The following FAT3 variants were observed in gnomAD, a reference collection of about 807,000 sequenced individuals.
FAT3 encodes protocadherin Fat 3.
In FAT3, 95 loss-of-function variants were observed where a neutral mutation model predicts 310.2. The observed-to-expected ratio is 0.31, with a 90% CI of 0.26 to 0.36. FAT3 has a LOEUF of 0.36. Among genes scored for constraint, FAT3 ranks in the 10% least tolerant of loss-of-function variants. The pLI, the probability that FAT3 is intolerant of heterozygous loss-of-function variation, is 1.00. For missense variants in FAT3, 5,408 were observed against 5,715.6 expected (o/e 0.95, Z 1.74); for synonymous variants, 2,314 against 2,192.9 (o/e 1.06, Z -1.54).
At chr11:92,515,083 A>G (rs1953434045) in intron 2 of FAT3, among the ~76,000 whole-genome samples, 1 of 152,074 alleles carries the variant, frequency 6.6e-6, no homozygotes, top group African/African-American at 2.4e-5. Context: ...CGCTTCATTG[A>G]TATAAACTAG....
intron 4 of FAT3, among the ~76,000 whole-genome samples, chr11:92,697,891 T>C (rs1943986787): frequency 6.6e-6 from 1 of 152,156 alleles, no homozygotes; most frequent in African/African-American, 2.4e-5. Context: ...CTGCCAGAGA[T>C]GACTATTGCT....
intron 1 of FAT3, among the ~76,000 whole-genome samples, chr11:92,309,208 C>A (rs1312752511): frequency 6.9e-6 from 1 of 145,082 alleles, no homozygotes; most frequent in Non-Finnish European, 1.5e-5. Flanking sequence ...AACTGCTGCC[C>A]CAGAGTGCAC....
At chr11:92,472,483 G>A (rs1353611930) in intron 2 of FAT3, among the ~76,000 whole-genome samples, 1 of 152,158 alleles carries the variant, frequency 6.6e-6, no homozygotes, top group Admixed American at 6.6e-5. Flanking sequence ...AGAGATAAGG[G>A]TATATACTGA....
intron 4 of FAT3, among the ~76,000 whole-genome samples, chr11:92,703,291 T>C (rs1415404851): frequency 2.6e-5 from 4 of 152,236 alleles, no homozygotes; most frequent in African/African-American, 9.6e-5. Context: ...CTGCTAAGCA[T>C]CTGCTTTTAA....
intron 1 of FAT3, among the ~76,000 whole-genome samples, chr11:92,236,939 G>A (rs1291044158): frequency 1.3e-5 from 2 of 152,122 alleles, no homozygotes; most frequent in Non-Finnish European, 2.9e-5. Flanking sequence ...ATAAGCAGAT[G>A]AGAGGGAGCA....
intron 13 of FAT3, among the ~76,000 whole-genome samples, chr11:92,831,192 G>A (rs928255892): frequency 6.6e-6 from 1 of 152,104 alleles, no homozygotes; most frequent in Non-Finnish European, 1.5e-5. Context: ...TGTTGGACTT[G>A]CCCATTGCTA....
chr11:92,437,400 C>T (rs747499326), intron 2 of FAT3, among the ~76,000 whole-genome samples: 11 of 152,154 alleles, frequency 7.2e-5, no homozygotes, highest in Admixed American at 2.0e-4. Context: ...TCTCCTTATT[C>T]GCTGCATGAC....
chr11:92,705,679 C>G (rs867441497), intron 4 of FAT3, among the ~76,000 whole-genome samples: 9 of 21,546 alleles, frequency 4.2e-4, no homozygotes, highest in African/African-American at 7.9e-4. Context: ...GTGTAGTGAT[C>G]GTGGTGGTGT....
chr11:92,626,215 A>G (rs1941328195), intron 3 of FAT3, among the ~76,000 whole-genome samples: 1 of 152,334 alleles, frequency 6.6e-6, no homozygotes, highest in Middle Eastern at 3.4e-3. Context: ...CACTGGAATT[A>G]TATTTGTCTA....
chr11:92,251,332 C>G (rs1239329688), intron 1 of FAT3, among the ~76,000 whole-genome samples: 1 of 152,110 alleles, frequency 6.6e-6, no homozygotes, highest in African/African-American at 2.4e-5. Context: ...AGATCCTTGT[C>G]TTCCTTAAAA....
intron 9 of FAT3, among the ~76,000 whole-genome samples, chr11:92,795,573 C>G (rs10430810): frequency 0.78 from 118,342 of 151,748 alleles, 46,973 homozygotes; most frequent in Non-Finnish European, 0.85. Flanking sequence ...ATTCTGGAAG[C>G]GTGTCACAAG....
chr11:92,493,976 T>C (rs1952680133), intron 2 of FAT3, among the ~76,000 whole-genome samples: 1 of 151,836 alleles, frequency 6.6e-6, no homozygotes, highest in Non-Finnish European at 1.5e-5. Flanking sequence ...AAGTCTTAAT[T>C]CTGTCATTTA....
Position 92,412,731 on chromosome 11 carries a change from AT to A in FAT3, c.3292+57328del, listed in dbSNP as rs1565296328. On this transcript the variant is annotated intron_variant, in intron 2 of 27. Coordinates refer to ENST00000525166, the MANE Select transcript of FAT3 (RefSeq NM_001367949.2). ...TATATATATATATATATATATATAT[AT>A]ATATATATATATAAATATACATACA... Among the ~76,000 whole-genome samples, 278 of 49,400 alleles carry A rather than the reference AT, an allele frequency of 5.6e-3. 35 individuals are homozygous for A. Among genetic ancestry groups the A allele is most frequent in the East Asian group, 0.025 (48 of 1,922 alleles). The allele number at this position is 49,400 out of a possible 152,430, so 32.4% of individuals were successfully genotyped here. A position where few individuals can be genotyped will look rare whatever the true frequency, so the allele number is the denominator to read the frequency against.
chr11:92,611,773 A>G (rs114121823), intron 3 of FAT3, among the ~76,000 whole-genome samples: 4 of 152,328 alleles, frequency 2.6e-5, no homozygotes, highest in Admixed American at 1.3e-4. Flanking sequence ...AATGATCTCA[A>G]TGGAGGTTAT....
At chr11:92,868,464 A>G (rs529502125) in intron 22 of FAT3, among the ~76,000 whole-genome samples, 1 of 152,340 alleles carries the variant, frequency 6.6e-6, no homozygotes, top group Non-Finnish European at 1.5e-5. Flanking sequence ...AATGATGGGC[A>G]GTAACTATAC....
rs780790405 is a variant in FAT3 at position 92,790,192 on chromosome 11, C to A, written c.4585C>A (p.Gln1529Lys). Residue 1529 changes from glutamine to lysine, a missense_variant, in exon 8 of 28, where the codon CAG becomes AAG. Physicochemically the swap from Gln to Lys is moderately conservative, Grantham distance 53 (BLOSUM62 1). Transcript: ENST00000525166. ...YTAERLDHEA[Q>K]DKHILNIMVR... ...TGCCGAGAGGCTGGACCATGAGGCC[C>A]AGGACAAGCACATTCTCAACATAAT... 2.2e-5 allele frequency: 35 copies of A among 1,613,498 alleles called. No homozygotes were observed. The highest frequency in any genetic ancestry group is 2.9e-5 in the Non-Finnish European group (34 of 1,179,646).
In FAT3 at chr11:92,422,052, C is replaced by T. The variant is rs147582129; in HGVS notation, c.3292+66648C>T. ...CCCCTTTGTCTGTAAGTGAGCAAAC[C>T]TTTAAGTAATGTATTACTGGGCTCT... On this transcript the variant is annotated intron_variant, in intron 2 of 27. Coordinates refer to ENST00000525166, the MANE Select transcript of FAT3 (RefSeq NM_001367949.2). Among the ~76,000 whole-genome samples the T allele has an allele frequency of 4.8e-3, 730 of 152,234 alleles. 8 individuals carry two copies. Among genetic ancestry groups the T allele is most frequent in the African/African-American group, 0.017 (692 of 41,534 alleles).
At chr11:92,837,058 G>A (rs1051073343) in intron 16 of FAT3, among the ~76,000 whole-genome samples, 1 of 152,086 alleles carries the variant, frequency 6.6e-6, no homozygotes, top group Admixed American at 6.6e-5. Flanking sequence ...GGTACAAAAA[G>A]ATCACCTGAA....
At chr11:92,708,398 A>T (rs572854718) in intron 4 of FAT3, among the ~76,000 whole-genome samples, 1 of 152,348 alleles carries the variant, frequency 6.6e-6, no homozygotes, top group South Asian at 2.1e-4. Context: ...CAAGATATGG[A>T]GACAGACATA....
Sources: allele counts gnomAD v4.1 joint callset (sites outside exome capture counted in the v4.1 genomes callset), GRCh38; gene constraint gnomAD v4.1.1; transcripts MANE v1.5; gene names NCBI Gene and HGNC (gene_info 2026-07-23, HGNC 2026-07-21).